The following SLC30A8 variants were observed in gnomAD, a reference collection of about 807,000 sequenced individuals.
The protein encoded by SLC30A8 is solute carrier family 30 member 8.
SLC30A8 carries 27 observed loss-of-function variants against 36.9 expected under a neutral mutation model. That is an observed-to-expected ratio of 0.73 (90% CI 0.54 to 1.01). The LOEUF (loss-of-function observed/expected upper bound fraction) is 1.01, where lower values mean the gene tolerates loss of function less well. SLC30A8 is among the 50% of genes least tolerant of loss of function. SLC30A8 has a pLI of 0.00. For missense variants in SLC30A8, 439 were observed against 452.0 expected (o/e 0.97, Z 0.26); for synonymous variants, 164 against 172.4 (o/e 0.95, Z 0.38).
At chr8:117,028,413 C>G (rs17745041) in intron 1 of SLC30A8, among the ~76,000 whole-genome samples, 64,694 of 151,914 alleles carry the variant, frequency 0.43, 14,306 homozygotes, top group East Asian at 0.55. Flanking sequence ...AAACATGGCA[C>G]TGTTGCCCCT....
chr8:117,095,336 G>A (rs1819310692), intron 2 of SLC30A8, among the ~76,000 whole-genome samples: 1 of 152,040 alleles, frequency 6.6e-6, no homozygotes, highest in African/African-American at 2.4e-5. Context: ...AGTAATAATA[G>A]TAACATATTA....
intron 2 of SLC30A8, among the ~76,000 whole-genome samples, chr8:117,080,371 C>G (rs1818634177): frequency 6.6e-6 from 1 of 151,530 alleles, no homozygotes. Context: ...CACACGTATC[C>G]CCTGTGTAAC....
At chr8:117,116,466 GATGAA>G (rs1586542897) in intron 2 of SLC30A8, among the ~76,000 whole-genome samples, 2 of 152,018 alleles carry the variant, frequency 1.3e-5, no homozygotes, top group African/African-American at 4.8e-5. Context: ...CAACGGCTCA[GATGAA>G]ATGCAAGATA....
intron 4 of SLC30A8, among the ~76,000 whole-genome samples, chr8:117,160,922 G>A (rs997670366): frequency 5.3e-5 from 8 of 152,278 alleles, no homozygotes; most frequent in Admixed American, 5.2e-4. Context: ...GTTCCAAAAT[G>A]TTTAGAAAAA....
intron 6 of SLC30A8, among the ~76,000 whole-genome samples, chr8:117,167,326 G>A (rs982373893): frequency 1.4e-4 from 22 of 151,952 alleles, no homozygotes; most frequent in Admixed American, 1.4e-3. Flanking sequence ...TGTTAGTATA[G>A]TACTTAGTAA....
intron 1 of SLC30A8, among the ~76,000 whole-genome samples, chr8:116,975,149 T>C (rs1814944878): frequency 1.3e-5 from 2 of 152,050 alleles, no homozygotes. Flanking sequence ...GTAACAAACC[T>C]GCACATTGTG....
intron 7 of SLC30A8, among the ~76,000 whole-genome samples, chr8:117,171,643 G>A (rs1050062988): frequency 3.9e-5 from 6 of 152,016 alleles, no homozygotes; most frequent in African/African-American, 1.5e-4. Flanking sequence ...ATTATGGTGG[G>A]GTCCCACACT....
chr8:117,019,484 A>G (rs1336577767), intron 1 of SLC30A8, among the ~76,000 whole-genome samples: 2 of 152,244 alleles, frequency 1.3e-5, no homozygotes, highest in Admixed American at 1.3e-4. Context: ...CTATTGTTTC[A>G]TTTGTCCTAT....
chr8:117,029,485 C>T (rs900430530), intron 1 of SLC30A8, among the ~76,000 whole-genome samples: 3 of 152,124 alleles, frequency 2.0e-5, no homozygotes, highest in African/African-American at 7.2e-5. Context: ...AGAAAGACAA[C>T]CACAGAAACT....
At position 117,054,859 on chromosome 8, in the gene SLC30A8, A is replaced by G. The variant is rs28628871; in HGVS notation, c.-226+15601A>G. Among the ~76,000 whole-genome samples the G allele has an allele frequency of 5.1e-3, 771 of 152,302 alleles. 5 individuals carry two copies. Among genetic ancestry groups the G allele is most frequent in the African/African-American group, 0.017 (725 of 41,560 alleles). ...GTGGCTTCCACAGAACATTTTATTC[A>G]GAGCCCTAAAAGTCATATGACATGT... is the stretch of plus-strand genomic sequence containing the variant. On this transcript the variant is annotated intron_variant, in intron 2 of 10. Transcript: ENST00000427715.
At chr8:117,004,271 T>C (rs576726283) in intron 1 of SLC30A8, among the ~76,000 whole-genome samples, 81 of 152,344 alleles carry the variant, frequency 5.3e-4, no homozygotes, top group African/African-American at 1.9e-3. Flanking sequence ...ATTTAAAGTG[T>C]CACAAAGTTA....
chr8:117,137,160 A>C (rs1821402859), intron 1 of SLC30A8, among the ~76,000 whole-genome samples: 1 of 151,840 alleles, frequency 6.6e-6, no homozygotes, highest in African/African-American at 2.4e-5. Flanking sequence ...TGGGCTCCTG[A>C]ATCCTTAATC....
At chr8:116,974,998 G>T (rs897806824) in intron 1 of SLC30A8, among the ~76,000 whole-genome samples, 1 of 133,100 alleles carries the variant, frequency 7.5e-6, no homozygotes, top group Admixed American at 8.8e-5. Context: ...AGAACACTTG[G>T]ACACAGTGGG....
intron 6 of SLC30A8, among the ~76,000 whole-genome samples, chr8:117,167,163 T>C (rs993168336): frequency 8.5e-5 from 13 of 152,108 alleles, no homozygotes; most frequent in African/African-American, 3.1e-4. Context: ...CCGCTTTTCT[T>C]TGTGTGTCTC....
chr8:117,018,733 G>A (rs1424930515), intron 1 of SLC30A8, among the ~76,000 whole-genome samples: 1 of 138,944 alleles, frequency 7.2e-6, no homozygotes, highest in Non-Finnish European at 1.5e-5. Context: ...GTGGTGCAAT[G>A]TTGGCTCACT....
chr8:117,023,569 T>C (rs1816777301), intron 1 of SLC30A8, among the ~76,000 whole-genome samples: 1 of 152,100 alleles, frequency 6.6e-6, no homozygotes, highest in African/African-American at 2.4e-5. Context: ...ATGTATTTTG[T>C]AGGGACATGG....
chr8:116,961,429 A>T (rs926379159), intron 1 of SLC30A8, among the ~76,000 whole-genome samples: 3 of 152,032 alleles, frequency 2.0e-5, no homozygotes, highest in African/African-American at 7.2e-5. Context: ...ACTCCGTCTC[A>T]AAACAAATAA....
At chr8:117,121,413 T>A (rs1820689911) in intron 2 of SLC30A8, among the ~76,000 whole-genome samples, 1 of 152,002 alleles carries the variant, frequency 6.6e-6, no homozygotes. Context: ...TTCTCACAGT[T>A]CTAGAGGGTG....
intron 2 of SLC30A8, among the ~76,000 whole-genome samples, chr8:117,060,332 A>C (rs1000788952): frequency 6.6e-6 from 1 of 152,072 alleles, no homozygotes; most frequent in Admixed American, 6.6e-5. Context: ...TAGCCAGAGA[A>C]AGATTTCAGA....
Sources: gnomAD v4.1 joint callset for allele counts (sites outside exome capture counted in the v4.1 genomes callset) on GRCh38, gnomAD v4.1.1 for gene constraint, MANE v1.5 for transcripts, NCBI Gene and HGNC (gene_info 2026-07-23, HGNC 2026-07-21) for gene names.